The following HS2ST1 variants were observed in gnomAD, a reference collection of about 807,000 sequenced individuals.
HS2ST1 encodes 2-O-sulfotransferase.
Under a neutral mutation model 42.9 loss-of-function variants are expected in HS2ST1, and 18 were observed. The observed-to-expected ratio is 0.42, with a 90% CI of 0.29 to 0.62. HS2ST1 has a LOEUF of 0.62. HS2ST1 is among the 20% of genes least tolerant of loss of function. HS2ST1 has a pLI of 0.21. For missense variants in HS2ST1, 334 were observed against 433.8 expected (o/e 0.77, Z 2.04); for synonymous variants, 146 against 152.9 (o/e 0.95, Z 0.33).
chr1:87,092,572 G>T lies in HS2ST1; in HGVS notation c.491G>T (p.Arg164Met). ...KKKPIYINVI[R>M]DPIERLVSYY... ...AAACCAATTTACATTAATGTCATAA[G>T]GGATCCTATTGAGAGGCTAGTTTCT... Residue 164 changes from arginine to methionine, a missense_variant, in exon 4 of 7, where the codon AGG (arginine) becomes ATG (methionine). Arg to Met is a moderately conservative substitution (Grantham distance 91). Transcript: ENST00000370550. 6.3e-7 allele frequency: 1 copy of T among 1,584,036 alleles called. No homozygotes were observed. The highest frequency in any genetic ancestry group is 8.6e-7 in the Non-Finnish European group (1 of 1,165,852).
intron 1 of HS2ST1, among the ~76,000 whole-genome samples, chr1:86,981,694 G>T (rs989822988): frequency 8.5e-5 from 13 of 152,244 alleles, no homozygotes; most frequent in African/African-American, 2.9e-4. Flanking sequence ...CACGGCCTTG[G>T]GCACTCTGCC....
chr1:87,101,163 T>G lies in HS2ST1; in HGVS notation c.687-2269T>G, dbSNP rs1388391428. 2.5e-3 allele frequency among the ~76,000 whole-genome samples: 291 copies of G among 115,874 alleles called. 4 individuals are homozygous for G. Among genetic ancestry groups the G allele is most frequent in the Middle Eastern group, 7.9e-3 (2 of 254 alleles). The allele number at this position is 115,874 out of a possible 152,430, so 76.0% of individuals were successfully genotyped here. The stretch of plus-strand genomic sequence containing the variant: ...TGTGTGTGTGTGTTTTTTGTTTTTT[T>G]TTTTTTTTTTTTTTTTTTTTTTGAG... On this transcript the variant is annotated intron_variant, in intron 5 of 6. Coordinates refer to ENST00000370550, the MANE Select transcript of HS2ST1 (RefSeq NM_012262.4).
chr1:87,045,441 G>A (rs879059217), intron 1 of HS2ST1: 2 of 1,338,650 alleles, frequency 1.5e-6, no homozygotes, highest in African/African-American at 2.9e-5. Flanking sequence ...GCAAATTTTT[G>A]TTTCACTACC....
intron 1 of HS2ST1, among the ~76,000 whole-genome samples, chr1:86,920,235 C>T (rs1190898377): frequency 6.6e-6 from 1 of 152,116 alleles, no homozygotes; most frequent in Non-Finnish European, 1.5e-5. Context: ...ATGTAATCAT[C>T]CATTGGTGAG....
chr1:87,080,437 T>C (rs960827685), intron 2 of HS2ST1, among the ~76,000 whole-genome samples: 4 of 152,032 alleles, frequency 2.6e-5, no homozygotes, highest in African/African-American at 4.8e-5. Flanking sequence ...GGGATTGCCT[T>C]AGTAGTGGAT....
At chr1:87,097,313 C>G (rs1376478565) in intron 4 of HS2ST1, among the ~76,000 whole-genome samples, 1 of 152,234 alleles carries the variant, frequency 6.6e-6, no homozygotes, top group East Asian at 1.9e-4. Flanking sequence ...TATAGACAGA[C>G]AGATCAACCT....
intron 1 of HS2ST1, among the ~76,000 whole-genome samples, chr1:86,925,667 C>A (rs1021980726): frequency 5.3e-5 from 8 of 152,142 alleles, no homozygotes. Flanking sequence ...AAGACTTGCC[C>A]CCATGATTCA....
chr1:87,081,431 C>T (rs1241438188), intron 2 of HS2ST1, among the ~76,000 whole-genome samples: 1 of 152,126 alleles, frequency 6.6e-6, no homozygotes, highest in Non-Finnish European at 1.5e-5. Context: ...ACAACGTGCT[C>T]CTGAGTGACC....
chr1:87,092,133 TG>T (rs1651960656), intron 3 of HS2ST1, among the ~76,000 whole-genome samples: 3 of 152,204 alleles, frequency 2.0e-5, no homozygotes, highest in South Asian at 4.1e-4. Context: ...AAAATAAGTT[TG>T]CTTAAAAATT....
intron 1 of HS2ST1, among the ~76,000 whole-genome samples, chr1:87,040,540 G>A (rs1650495260): frequency 6.6e-6 from 1 of 152,148 alleles, no homozygotes; most frequent in Admixed American, 6.5e-5. Flanking sequence ...ACTCCGCCAA[G>A]GTGCTTTGCA....
intron 2 of HS2ST1, among the ~76,000 whole-genome samples, chr1:87,078,056 A>G (rs570889585): frequency 6.6e-6 from 1 of 152,342 alleles, no homozygotes; most frequent in South Asian, 2.1e-4. Context: ...GCCATACAAG[A>G]AATGTTTAAG....
chr1:87,029,315 G>T (rs956103958), intron 1 of HS2ST1, among the ~76,000 whole-genome samples: 1 of 151,992 alleles, frequency 6.6e-6, no homozygotes, highest in Admixed American at 6.6e-5. Flanking sequence ...TTTTGCATTA[G>T]AATTTCTACA....
At chr1:86,971,303 C>T (rs756393420) in intron 1 of HS2ST1, among the ~76,000 whole-genome samples, 10 of 151,930 alleles carry the variant, frequency 6.6e-5, no homozygotes, top group Non-Finnish European at 4.4e-5. Context: ...CAAAACAAAA[C>T]AAAACAAAAC....
chr1:86,929,833 A>G (rs1660507262), intron 1 of HS2ST1, among the ~76,000 whole-genome samples: 1 of 151,884 alleles, frequency 6.6e-6, no homozygotes, highest in Non-Finnish European at 1.5e-5. Context: ...AAATAGAGGA[A>G]TATGTTCTGT....
intron 1 of HS2ST1, among the ~76,000 whole-genome samples, chr1:86,965,648 G>T (rs902168071): frequency 6.6e-6 from 1 of 150,526 alleles, no homozygotes; most frequent in East Asian, 1.9e-4. Context: ...TGGGAGGCTG[G>T]TTTTTTTTTA....
rs919997259 is a variant in HS2ST1, at chr1:87,073,108, A to G, written c.299A>G (p.Asn100Ser). Reference protein sequence around the residue: ...TNIAYDLCAKNKYHVLHINTT... With the variant: ...TNIAYDLCAKSKYHVLHINTT... ...ATCGCCTATGACCTGTGTGCAAAGA[A>G]TAAATACCATGTCCTTCATATCAAC... The change falls in exon 2 of 7, where the codon AAT (asparagine) becomes AGT (serine). Residue 100 changes from asparagine to serine, a missense_variant. Transcript: ENST00000370550. 6.2e-7 allele frequency: 1 copy of G among 1,614,124 alleles called. No homozygotes were observed. Among genetic ancestry groups the G allele is most frequent in the Non-Finnish European group, 8.5e-7 (1 of 1,179,956 alleles).
intron 1 of HS2ST1, among the ~76,000 whole-genome samples, chr1:86,966,728 A>C (rs146812055): frequency 6.6e-6 from 1 of 152,314 alleles, no homozygotes; most frequent in East Asian, 1.9e-4. Context: ...TTACCAGCAC[A>C]TGCTACCATG....
chr1:87,101,149 G>GTGTTTTTTTTTTTTTTTT (rs1557546421), intron 5 of HS2ST1, among the ~76,000 whole-genome samples: 1 of 59,540 alleles, frequency 1.7e-5, no homozygotes, highest in Non-Finnish European at 3.0e-5. Context: ...GTGTGTGTGT[G>GTGTTTTTTTTTTTTTTTT]TTTTTTGTTT....
intron 1 of HS2ST1, among the ~76,000 whole-genome samples, chr1:87,038,427 G>A (rs115309657): frequency 0.024 from 3,649 of 152,082 alleles, 46 homozygotes; most frequent in South Asian, 0.053. Context: ...AGTACATTTA[G>A]GGTACTGTTG....
Sources: allele counts gnomAD v4.1 joint callset (sites outside exome capture counted in the v4.1 genomes callset), GRCh38; gene constraint gnomAD v4.1.1; transcripts MANE v1.5; gene names NCBI Gene and HGNC (gene_info 2026-07-23, HGNC 2026-07-21).